SPAG9: variants seen among roughly 807,000 people sequenced by gnomAD.
The protein encoded by SPAG9 is C-Jun-amino-terminal kinase-interacting protein 4.
In SPAG9, 35 loss-of-function variants were observed where a neutral mutation model predicts 166.5. The observed-to-expected ratio is 0.21, with a 90% confidence interval of 0.16 to 0.28. SPAG9 has a LOEUF of 0.28. Among genes scored for constraint, SPAG9 ranks in the 10% least tolerant of loss-of-function variants. The pLI, the probability that SPAG9 is intolerant of heterozygous loss-of-function variation, is 1.00. For synonymous variants in SPAG9, 534 were observed against 565.5 expected (o/e 0.94, Z 0.79); for missense variants, 1,235 against 1,603.3 (o/e 0.77, Z 3.92).
intron 9 of SPAG9, among the ~76,000 whole-genome samples, chr17:51,013,903 C>A (rs867025475): frequency 4.6e-4 from 1 of 2,170 alleles, no homozygotes; most frequent in Non-Finnish European, 2.3e-3. Flanking sequence ...CATACACATA[C>A]ACACACACAC....
chr17:51,009,072 C>T (rs2045347194), intron 9 of SPAG9: 1 of 431,624 alleles, frequency 2.3e-6, no homozygotes, highest in South Asian at 1.7e-5. Context: ...ATGAGAACAG[C>T]AGCCAAGAAC....
chr17:51,021,838 T>G (rs538138387), intron 6 of SPAG9, among the ~76,000 whole-genome samples: 1 of 140,768 alleles, frequency 7.1e-6, no homozygotes, highest in South Asian at 2.3e-4. Context: ...GTGCTTGAAG[T>G]GCTTGTTAAA....
intron 28 of SPAG9, among the ~76,000 whole-genome samples, chr17:50,973,736 C>A (rs1343501196): frequency 6.6e-6 from 1 of 152,114 alleles, no homozygotes; most frequent in Non-Finnish European, 1.5e-5. Flanking sequence ...GTGGGTGGGC[C>A]TCATTTAACC....
intron 2 of SPAG9, among the ~76,000 whole-genome samples, chr17:51,065,828 C>T (rs1422694211): frequency 6.6e-6 from 1 of 152,186 alleles, no homozygotes; most frequent in African/African-American, 2.4e-5. Context: ...ATGCTCCATG[C>T]CCTTTACCCT....
chr17:51,107,929 AG>A (rs1175288046), intron 1 of SPAG9, among the ~76,000 whole-genome samples: 4 of 150,710 alleles, frequency 2.7e-5, no homozygotes, highest in Non-Finnish European at 5.9e-5. Context: ...AAAAAAAGGG[AG>A]GGGGGCAGTA....
Position 51,047,489 on chromosome 17 carries a change from A to AC in SPAG9, c.496-21_496-20insG. ...GATCATCTATTTTAAAGAAAGAAAA[A>AC]ATACACAATATTTAAGGCTAATACC... On this transcript the variant is annotated intron_variant, in intron 3 of 29. Coordinates refer to ENST00000262013, the MANE Select transcript of SPAG9 (RefSeq NM_001130528.3). The AC allele has an allele frequency of 8.5e-7, 1 of 1,174,558 alleles. No homozygotes were observed. The highest frequency in any genetic ancestry group is 1.2e-6 in the Non-Finnish European group (1 of 814,324). 72.8% of individuals were successfully genotyped at this position (1,174,558 alleles called of 1,614,324 possible). A position where few individuals can be genotyped will look rare whatever the true frequency, so the allele number is the denominator to read the frequency against.
chr17:51,083,236 T>C (rs1465507384), intron 1 of SPAG9, among the ~76,000 whole-genome samples: 2 of 151,410 alleles, frequency 1.3e-5, no homozygotes, highest in Non-Finnish European at 2.9e-5. Flanking sequence ...TTTTTCTTTT[T>C]TTTTTTTTTC....
At chr17:50,989,454 T>C (rs1975351836) in intron 21 of SPAG9, 3 of 586,776 alleles carry the variant, frequency 5.1e-6, no homozygotes, top group Non-Finnish European at 9.1e-6. Context: ...CTTTTATAGA[T>C]AAGATTTTTT....
chr17:51,108,407 G>T (rs2049015369), intron 1 of SPAG9, among the ~76,000 whole-genome samples: 1 of 149,782 alleles, frequency 6.7e-6, no homozygotes, highest in South Asian at 2.1e-4. Flanking sequence ...AAAAAAAATA[G>T]TTACTAGCAA....
chr17:50,974,694 C>CT, intron 28 of SPAG9, 77 bp downstream of exon 28: 1 of 1,308,150 alleles, frequency 7.6e-7, no homozygotes, highest in Non-Finnish European at 1.0e-6. Context: ...TAGCCTTAGA[C>CT]TATTAGGTAG....
chr17:51,062,256 C>T (rs2047538313), intron 2 of SPAG9, among the ~76,000 whole-genome samples: 1 of 152,160 alleles, frequency 6.6e-6, no homozygotes, highest in Admixed American at 6.5e-5. Context: ...CTTTTACAAT[C>T]GATGAACCTA....
intron 25 of SPAG9, 93 bp downstream of exon 25, chr17:50,982,431 A>T: frequency 8.2e-7 from 1 of 1,217,824 alleles, no homozygotes; most frequent in Non-Finnish European, 1.1e-6. Context: ...AGATCCAGAA[A>T]CAATTTCTAA....
chr17:51,093,869 C>T (rs1188406195), intron 1 of SPAG9, among the ~76,000 whole-genome samples: 1 of 152,002 alleles, frequency 6.6e-6, no homozygotes, highest in Non-Finnish European at 1.5e-5. Context: ...CCAGACTGGC[C>T]AGGTGGCCTT....
intron 1 of SPAG9, among the ~76,000 whole-genome samples, chr17:51,092,163 ATTAG>A (rs747439643): frequency 5.3e-5 from 8 of 152,060 alleles, no homozygotes; most frequent in Non-Finnish European, 1.2e-4. Flanking sequence ...TATTATATTA[ATTAG>A]TTAAATGTAA....
chr17:51,007,232 ATTCTTT>A (rs1176836273), intron 10 of SPAG9, 31 bp downstream of exon 10: 1 of 1,236,562 alleles, frequency 8.1e-7, no homozygotes, highest in African/African-American at 1.5e-5. Context: ...CAAGAAGAAA[ATTCTTT>A]ATCTTCTGTT....
intron 2 of SPAG9, among the ~76,000 whole-genome samples, chr17:51,075,777 T>C (rs537626209): frequency 2.1e-4 from 32 of 152,118 alleles, no homozygotes; most frequent in Non-Finnish European, 3.8e-4. Flanking sequence ...TGAGCTATGA[T>C]CGTGTCACTG....
chr17:50,975,833 A>T, intron 27 of SPAG9: 1 of 1,519,944 alleles, frequency 6.6e-7, no homozygotes, highest in East Asian at 2.4e-5. Flanking sequence ...GAAGCCAGGA[A>T]GAAGAGTTTG....
At chr17:50,975,237 A>C (rs956088794) in intron 27 of SPAG9, 2 of 295,460 alleles carry the variant, frequency 6.8e-6, no homozygotes, top group Non-Finnish European at 1.2e-5. Context: ...TAAAAAAAAA[A>C]CAAATTTGAA....
chr17:50,988,169 T>A (rs1308782427), intron 21 of SPAG9, among the ~76,000 whole-genome samples: 1 of 152,140 alleles, frequency 6.6e-6, no homozygotes, highest in Non-Finnish European at 1.5e-5. Context: ...TGAGCTGAGA[T>A]TGCACTGCTG....
Sources: gnomAD v4.1 joint callset for allele counts (sites outside exome capture counted in the v4.1 genomes callset) on GRCh38, gnomAD v4.1.1 for gene constraint, MANE v1.5 for transcripts, NCBI Gene and HGNC (gene_info 2026-07-23, HGNC 2026-07-21) for gene names.